The following ST7 variants were observed in gnomAD, a reference collection of about 807,000 sequenced individuals.
ST7 encodes the protein suppression of tumorigenicity 7.
ST7 carries 28 observed loss-of-function variants against 78.7 expected under a neutral mutation model. The observed-to-expected ratio is 0.36, with a 90% CI of 0.26 to 0.49. ST7 has a LOEUF of 0.49. Among genes scored for constraint, ST7 ranks in the 20% least tolerant of loss-of-function variants. The pLI, the probability that ST7 is intolerant of heterozygous loss-of-function variation, is 0.99. For synonymous variants in ST7, 247 were observed against 249.6 expected (o/e 0.99, Z 0.10); for missense variants, 418 against 696.0 (o/e 0.60, Z 4.49).
At chr7:117,200,632 C>T (rs1479961561) in intron 12 of ST7, among the ~76,000 whole-genome samples, 1 of 152,034 alleles carries the variant, frequency 6.6e-6, no homozygotes, top group Non-Finnish European at 1.5e-5. Context: ...AGGAGGGTGC[C>T]ACACTCCCAG....
At chr7:117,001,890 C>T (rs1411627514) in intron 1 of ST7, among the ~76,000 whole-genome samples, 1 of 152,108 alleles carries the variant, frequency 6.6e-6, no homozygotes, top group East Asian at 1.9e-4. Flanking sequence ...TGGGAAAGTA[C>T]ATGGACAAGA....
At chr7:117,109,067 C>T (rs189910977) in intron 2 of ST7, among the ~76,000 whole-genome samples, 150 of 152,300 alleles carry the variant, frequency 9.8e-4, no homozygotes, top group African/African-American at 3.5e-3. Flanking sequence ...TTGACTTCCT[C>T]TTTACCGATT....
At chr7:116,974,171 C>T (rs995113347) in intron 1 of ST7, among the ~76,000 whole-genome samples, 30 of 152,100 alleles carry the variant, frequency 2.0e-4, no homozygotes, top group African/African-American at 7.0e-4. Context: ...TAAATATCCC[C>T]CTCAGGTATT....
rs996741018 is a variant in ST7, at chr7:117,042,194, G to C, written c.152-57568G>C. 5.9e-5 allele frequency among the ~76,000 whole-genome samples: 9 copies of C among 152,148 alleles called. No homozygotes were observed. In the East Asian group the frequency reaches 1.7e-3, roughly 29 times the overall value. ...ATCAAGTGTTTAAAAAAGATGTAGAGACTATCTTTAGATCAATTACTTTCT... is the reference window on the plus strand; with the variant it reads ...ATCAAGTGTTTAAAAAAGATGTAGACACTATCTTTAGATCAATTACTTTCT... On this transcript the variant is annotated intron_variant, in intron 1 of 15. Transcript: ENST00000323984.
At position 117,099,901 on chromosome 7, in the gene ST7, G is replaced by T. The variant is rs553422266; in HGVS notation, c.234+57G>T. ...ATGCTGATTAGTAATATGTGTATTAGTGTATGTACAGTAAAAAACTCTGGA... is the reference window on the plus strand; with the variant it reads ...ATGCTGATTAGTAATATGTGTATTATTGTATGTACAGTAAAAAACTCTGGA... On this transcript the variant is annotated intron_variant, in intron 2 of 15. Coordinates refer to ENST00000323984, the MANE Select transcript of ST7 (RefSeq NM_001369598.1). 9 of 1,365,270 alleles carry T rather than the reference G, an allele frequency of 6.6e-6. No homozygotes were observed. In the East Asian group the frequency reaches 2.1e-4, roughly 32 times the overall value. 84.6% of individuals were successfully genotyped at this position (1,365,270 alleles called of 1,614,324 possible).
chr7:117,042,997 T>C (rs1386241611), intron 1 of ST7, among the ~76,000 whole-genome samples: 1 of 152,188 alleles, frequency 6.6e-6, no homozygotes. Flanking sequence ...AAGTTTTTAA[T>C]ATAATTGTTT....
chr7:117,124,452 T>G (rs1803661555), intron 3 of ST7, among the ~76,000 whole-genome samples: 1 of 152,108 alleles, frequency 6.6e-6, no homozygotes, highest in Non-Finnish European at 1.5e-5. Context: ...CTTAAGCACT[T>G]TAAAAAATTG....
chr7:117,132,303 A>G (rs544590087), intron 6 of ST7, among the ~76,000 whole-genome samples: 2 of 151,976 alleles, frequency 1.3e-5, no homozygotes, highest in Admixed American at 6.6e-5. Flanking sequence ...GCTCATCTGC[A>G]CTAGAACATT....
Position 116,971,537 on chromosome 7 carries a change from AAAT to A in ST7, c.151+17850_151+17852del, listed in dbSNP as rs779360728. Among the ~76,000 whole-genome samples, 241 of 152,220 alleles carry A rather than the reference AAAT, an allele frequency of 1.6e-3. 1 individual carries two copies. The highest frequency in any genetic ancestry group is 2.7e-3 in the Non-Finnish European group (181 of 67,986). On this transcript the variant is annotated intron_variant, in intron 1 of 15. Transcript: ENST00000323984. ...AATGAAAAAAAAAATAAGAAAAAAGAAATAATGTTGTCCAAAGGTATATTAAAG... is the reference window on the plus strand; with the variant it reads ...AATGAAAAAAAAAATAAGAAAAAAGAAATGTTGTCCAAAGGTATATTAAAG...
intron 10 of ST7, among the ~76,000 whole-genome samples, chr7:117,181,511 G>T (rs773774694): frequency 6.6e-6 from 1 of 152,182 alleles, no homozygotes; most frequent in Non-Finnish European, 1.5e-5. Flanking sequence ...GTTGACCTTG[G>T]CAGTCCTGTA....
intron 9 of ST7, among the ~76,000 whole-genome samples, chr7:117,147,832 G>A (rs149006901): frequency 1.3e-5 from 2 of 151,834 alleles, no homozygotes; most frequent in South Asian, 2.1e-4. Context: ...ATTTTACCCT[G>A]TATAGTATGT....
chr7:116,975,471 G>C (rs1793654559), intron 1 of ST7, among the ~76,000 whole-genome samples: 2 of 152,016 alleles, frequency 1.3e-5, no homozygotes, highest in Admixed American at 1.3e-4. Flanking sequence ...GCAGTGGCAT[G>C]ATCTTGGCTC....
At chr7:117,093,613 A>T (rs1800795117) in intron 1 of ST7, among the ~76,000 whole-genome samples, 1 of 152,162 alleles carries the variant, frequency 6.6e-6, no homozygotes, top group South Asian at 2.1e-4. Context: ...AAGCAGGGGA[A>T]TCACTTGAAC....
intron 12 of ST7, among the ~76,000 whole-genome samples, chr7:117,207,471 G>T (rs947927711): frequency 6.6e-6 from 1 of 152,104 alleles, no homozygotes; most frequent in South Asian, 2.1e-4. Flanking sequence ...CCACAAATGT[G>T]GGTGACTACC....
intron 1 of ST7, among the ~76,000 whole-genome samples, chr7:117,054,418 G>A (rs1172878838): frequency 1.3e-5 from 2 of 152,202 alleles, no homozygotes; most frequent in African/African-American, 2.4e-5. Flanking sequence ...TCTTACTGCT[G>A]TGCCTGTGAC....
At chr7:117,186,663 A>C (rs1478527980) in intron 10 of ST7, among the ~76,000 whole-genome samples, 1 of 152,262 alleles carries the variant, frequency 6.6e-6, no homozygotes, top group Non-Finnish European at 1.5e-5. Context: ...ATCTTTGTGC[A>C]TAGAAATGCT....
chr7:117,173,237 G>A (rs1179324273), intron 10 of ST7, among the ~76,000 whole-genome samples: 1 of 152,174 alleles, frequency 6.6e-6, no homozygotes, highest in Non-Finnish European at 1.5e-5. Context: ...TTAGTGGCAG[G>A]ACACATATTG....
At chr7:116,975,094 G>A (rs1475805812) in intron 1 of ST7, among the ~76,000 whole-genome samples, 1 of 152,170 alleles carries the variant, frequency 6.6e-6, no homozygotes, top group Non-Finnish European at 1.5e-5. Flanking sequence ...AAGAAAAAGA[G>A]GTTTAATGGA....
At chr7:117,041,277 T>G (rs989503748) in intron 1 of ST7, among the ~76,000 whole-genome samples, 1 of 152,194 alleles carries the variant, frequency 6.6e-6, no homozygotes, top group African/African-American at 2.4e-5. Flanking sequence ...GCAAGCAGAT[T>G]GATTGGTTAT....
Sources: allele counts gnomAD v4.1 joint callset (sites outside exome capture counted in the v4.1 genomes callset), GRCh38; gene constraint gnomAD v4.1.1; transcripts MANE v1.5; gene names NCBI Gene and HGNC (gene_info 2026-07-23, HGNC 2026-07-21).